Variants in PLXNC1 observed in about 807,000 individuals in gnomAD.
PLXNC1 encodes the protein plexin C1.
PLXNC1 carries 75 observed loss-of-function variants against 178.2 expected under a neutral mutation model. That is an observed-to-expected ratio of 0.42 (90% CI 0.35 to 0.51). The LOEUF is 0.51. PLXNC1 is among the 20% of genes least tolerant of loss of function. The probability of loss-of-function intolerance (pLI) is 0.02; values close to 1 mark genes in which losing one functional copy is unlikely to be tolerated. For synonymous variants in PLXNC1, 790 were observed against 779.9 expected, an observed-to-expected ratio of 1.01 and a Z score of -0.22; for missense variants, 1,503 against 1,984.4, an observed-to-expected ratio of 0.76 and a Z score of 4.61.
chr12:94,273,637 G>GC (rs1965722584), intron 21 of PLXNC1, among the ~76,000 whole-genome samples: 1 of 152,126 alleles, frequency 6.6e-6, no homozygotes, highest in Non-Finnish European at 1.5e-5. Context: ...TGTTGTATAT[G>GC]CCCCACAGTT....
At chr12:94,266,673 G>A (rs574925831) in intron 21 of PLXNC1, among the ~76,000 whole-genome samples, 1 of 152,294 alleles carries the variant, frequency 6.6e-6, no homozygotes, top group East Asian at 1.9e-4. Context: ...TGTAATGTTG[G>A]GCAAGTTTCT....
intron 5 of PLXNC1, among the ~76,000 whole-genome samples, chr12:94,212,201 G>T (rs796329071): frequency 2.1e-3 from 316 of 149,476 alleles, no homozygotes; most frequent in African/African-American, 7.2e-3. Flanking sequence ...GTGAACCCGG[G>T]AGGCGGAGCT....
chr12:94,161,085 A>ATT (rs948301444), intron 1 of PLXNC1, among the ~76,000 whole-genome samples: 1 of 149,354 alleles, frequency 6.7e-6, no homozygotes, highest in Non-Finnish European at 1.5e-5. Flanking sequence ...TGGAATAAAG[A>ATT]TTTTTTTTTT....
In PLXNC1 at chr12:94,292,938, T is replaced by A. The variant is rs117292607; in HGVS notation, c.3880-1548T>A. On this transcript the variant is annotated intron_variant, in intron 23 of 30. Transcript: ENST00000258526. ...TGGATGAATTATCATCAAGTGAGCA[T>A]ATCCTGAAACTACCACCCATGTCAA... Among the ~76,000 whole-genome samples the A allele has an allele frequency of 7.8e-4, 119 of 152,334 alleles. 1 individual carries two copies. In the East Asian group the frequency reaches 0.022, roughly 28 times the overall value.
chr12:94,260,810 G>A lies in PLXNC1; in HGVS notation c.3420G>A (p.Trp1140Ter), dbSNP rs1368329479. 6.2e-7 allele frequency: 1 copy of A among 1,614,190 alleles called. No individual in the cohort carries two copies. The part of the protein sequence containing the change: ...ESVVEKLLTN[W>*]MSVCLSGFLR... The stretch of plus-strand genomic sequence containing the variant: ...TCGTCGAAAAACTCCTCACAAACTG[G>A]ATGTCCGTCTGCCTTTCTGGATTTC... Residue 1140 changes from tryptophan to a stop codon, truncating the protein, a stop_gained, in exon 20 of 31, where the codon TGG becomes TGA. Transcript: ENST00000258526. LOFTEE classifies it high-confidence loss of function. The surrounding 1 kb of genome is among the most constrained non-coding windows in gnomAD (Gnocchi z 4.4).
At position 94,236,186 on chromosome 12, in the gene PLXNC1, T is replaced by C. The variant is rs1257563834; in HGVS notation, c.1981-1478T>C. Among the ~76,000 whole-genome samples, 6 of 152,326 alleles carry C rather than the reference T, an allele frequency of 3.9e-5. No homozygotes were observed. The East Asian group carries it at 5.8e-4, about 15-fold the overall frequency. ...AGGGCTAACGTCCTTCACAAAGTGA[T>C]TAAAATAAATTCTGCTACCAAAATC... On this transcript the variant is annotated intron_variant, in intron 9 of 30. Transcript: ENST00000258526.
chr12:94,241,977 T>TAA (rs779990678), intron 11 of PLXNC1, among the ~76,000 whole-genome samples: 3,988 of 141,826 alleles, frequency 0.028, 191 homozygotes, highest in African/African-American at 0.097. Flanking sequence ...AAAGCTTTGT[T>TAA]AAAAAAAAAA....
intron 2 of PLXNC1, among the ~76,000 whole-genome samples, chr12:94,174,992 G>A (rs1280568978): frequency 6.6e-6 from 1 of 152,206 alleles, no homozygotes; most frequent in Non-Finnish European, 1.5e-5. Context: ...GCAATAAGTA[G>A]ATTGGAAACA....
At chr12:94,300,788 G>T in intron 27 of PLXNC1, 122 bp from the exon 28 acceptor site, 1 of 735,444 alleles carries the variant, frequency 1.4e-6, no homozygotes. Flanking sequence ...GGTATGTTTG[G>T]CTAAGCAGAG....
At chr12:94,190,438 A>G (rs1265034723) in intron 4 of PLXNC1, among the ~76,000 whole-genome samples, 1 of 151,988 alleles carries the variant, frequency 6.6e-6, no homozygotes, top group African/African-American at 2.4e-5. Flanking sequence ...ACGGGGTTTC[A>G]CCATGTTGCC....
intron 23 of PLXNC1, among the ~76,000 whole-genome samples, chr12:94,292,814 C>G (rs1240742462): frequency 6.6e-6 from 1 of 152,178 alleles, no homozygotes; most frequent in African/African-American, 2.4e-5. Flanking sequence ...ACGTTAGCAC[C>G]CACAACGTTT....
chr12:94,165,431 C>A (rs1021325569), intron 1 of PLXNC1, among the ~76,000 whole-genome samples: 1 of 152,204 alleles, frequency 6.6e-6, no homozygotes, highest in Non-Finnish European at 1.5e-5. Flanking sequence ...CTAGAGTTTT[C>A]ATGAGGTCCA....
At chr12:94,279,973 G>A (rs1966315011) in intron 22 of PLXNC1, 1 of 442,456 alleles carries the variant, frequency 2.3e-6, no homozygotes, top group Non-Finnish European at 4.3e-6. Flanking sequence ...ATACAGAAAG[G>A]TGTCAACACA....
At chr12:94,216,056 A>T (rs924755314) in intron 5 of PLXNC1, among the ~76,000 whole-genome samples, 1 of 152,200 alleles carries the variant, frequency 6.6e-6, no homozygotes, top group Non-Finnish European at 1.5e-5. Context: ...CCTGAAGGTC[A>T]GGAGTTTGAG....
intron 21 of PLXNC1, among the ~76,000 whole-genome samples, chr12:94,278,484 C>T: frequency 6.6e-6 from 1 of 152,204 alleles, no homozygotes; most frequent in South Asian, 2.1e-4. Context: ...GGCCTTACTT[C>T]CCCCATTAGT....
chr12:94,148,942 G>C lies in PLXNC1; in HGVS notation c.-30G>C, dbSNP rs1019567869. On this transcript the variant is annotated 5_prime_UTR_variant, in exon 1 of 31. Coordinates refer to ENST00000258526, the MANE Select transcript of PLXNC1 (RefSeq NM_005761.3). The surrounding 1 kb of genome is among the most constrained non-coding windows in gnomAD (Gnocchi z 4.8). Reference sequence around the variant, plus strand: ...GCCTGAGCCGCCGTCGCCGCCGCGCGCCCTGCCCGGGGGCGGCCCCCCCAG... The same window carrying C: ...GCCTGAGCCGCCGTCGCCGCCGCGCCCCCTGCCCGGGGGCGGCCCCCCCAG... 3.1e-6 allele frequency: 3 copies of C among 959,352 alleles called. No individual in the cohort carries two copies. Among genetic ancestry groups the C allele is most frequent in the African/African-American group, 3.4e-5 (2 of 58,024 alleles). 59.4% of individuals were successfully genotyped at this position (959,352 alleles called of 1,614,324 possible).
intron 2 of PLXNC1, among the ~76,000 whole-genome samples, chr12:94,169,768 G>T (rs936431088): frequency 6.6e-6 from 1 of 152,158 alleles, no homozygotes; most frequent in Admixed American, 6.5e-5. Context: ...GAGGGGGTTT[G>T]TTTTTTGCCC....
intron 21 of PLXNC1, among the ~76,000 whole-genome samples, chr12:94,269,013 C>A (rs746431422): frequency 6.6e-5 from 10 of 152,050 alleles, no homozygotes; most frequent in Non-Finnish European, 1.5e-4. Context: ...AAGAGTGGAA[C>A]TTTGGAGGAG....
chr12:94,207,221 G>A (rs893966494), intron 4 of PLXNC1, among the ~76,000 whole-genome samples: 3 of 151,842 alleles, frequency 2.0e-5, no homozygotes, highest in Non-Finnish European at 4.4e-5. Context: ...CAGAGGTGGT[G>A]GGTTGTTTTT....
Sources: allele counts gnomAD v4.1 joint callset (sites outside exome capture counted in the v4.1 genomes callset), GRCh38; gene constraint gnomAD v4.1.1; non-coding constraint Gnocchi (gnomAD v3.1); transcripts MANE v1.5; gene names NCBI Gene and HGNC (gene_info 2026-07-23, HGNC 2026-07-21).